Variants in SNTG1 observed in about 807,000 individuals in gnomAD.
SNTG1 encodes the protein syntrophin gamma 1, also known as gamma-1-syntrophin.
Under a neutral mutation model 74.7 loss-of-function variants are expected in SNTG1, and 39 were observed. That is an observed-to-expected ratio of 0.52 (90% CI 0.40 to 0.68). SNTG1 has a LOEUF of 0.68. SNTG1 is among the 30% of genes least tolerant of loss of function. The probability of loss-of-function intolerance (pLI) is 0.00; values close to 1 mark genes in which losing one functional copy is unlikely to be tolerated. For missense variants in SNTG1, 685 were observed against 609.5 expected (o/e 1.12, Z -1.30); for synonymous variants, 254 against 217.1 (o/e 1.17, Z -1.49).
chr8:50,109,608 T>A (rs2080505259), intron 1 of SNTG1, among the ~76,000 whole-genome samples: 1 of 152,156 alleles, frequency 6.6e-6, no homozygotes, highest in African/African-American at 2.4e-5. Context: ...TATAATTCCT[T>A]AAATAACTGA....
At chr8:50,188,747 A>C (rs1180873551) in intron 2 of SNTG1, among the ~76,000 whole-genome samples, 1 of 152,114 alleles carries the variant, frequency 6.6e-6, no homozygotes, top group Non-Finnish European at 1.5e-5. Flanking sequence ...ACAATGGACT[A>C]TCTATTAAGT....
chr8:50,307,519 C>T (rs1390212007), intron 2 of SNTG1, among the ~76,000 whole-genome samples: 2 of 151,910 alleles, frequency 1.3e-5, no homozygotes, highest in Non-Finnish European at 2.9e-5. Context: ...TTATTTTCCT[C>T]TTAGCCTTTA....
At chr8:50,757,184 G>C (rs2095582626) in intron 18 of SNTG1, among the ~76,000 whole-genome samples, 1 of 151,724 alleles carries the variant, frequency 6.6e-6, no homozygotes, top group Non-Finnish European at 1.5e-5. Context: ...TGTCGGATGA[G>C]TTTTCTGGAT....
At chr8:50,507,052 C>T (rs143026248) in intron 9 of SNTG1, among the ~76,000 whole-genome samples, 1 of 151,766 alleles carries the variant, frequency 6.6e-6, no homozygotes, top group African/African-American at 2.4e-5. Context: ...TTGGCAAATG[C>T]TTTTTTCTTC....
Position 50,610,699 on chromosome 8 carries a change from T to A in SNTG1, c.849+19782T>A, listed in dbSNP as rs183372529. Among the ~76,000 whole-genome samples, 8 of 152,308 alleles carry A rather than the reference T, an allele frequency of 5.3e-5. No individual in the cohort carries two copies. The East Asian group carries it at 1.5e-3, about 29-fold the overall frequency. Reference sequence around the variant, plus strand: ...GTTGTTGGGTTTCGTGTCATGTTCATGTGAACAAAGTAAGTAATTTCATCG... The same window carrying A: ...GTTGTTGGGTTTCGTGTCATGTTCAAGTGAACAAAGTAAGTAATTTCATCG... On this transcript the variant is annotated intron_variant, in intron 13 of 18. Transcript: ENST00000642720.
At chr8:50,580,002 A>G (rs1220155960) in intron 12 of SNTG1, among the ~76,000 whole-genome samples, 1 of 152,078 alleles carries the variant, frequency 6.6e-6, no homozygotes, top group Non-Finnish European at 1.5e-5. Flanking sequence ...AGGAACAGAC[A>G]CTCAATGTCA....
At chr8:50,538,990 G>T (rs1012374282) in intron 11 of SNTG1, among the ~76,000 whole-genome samples, 3 of 151,474 alleles carry the variant, frequency 2.0e-5, no homozygotes, top group African/African-American at 7.3e-5. Context: ...ATTTTTTGTC[G>T]ATTTATTTTT....
At chr8:50,377,133 G>C (rs1428436757) in intron 2 of SNTG1, among the ~76,000 whole-genome samples, 1 of 152,102 alleles carries the variant, frequency 6.6e-6, no homozygotes, top group Non-Finnish European at 1.5e-5. Context: ...TTTGAGGAGG[G>C]TGAGAAGGAC....
At chr8:50,716,763 C>T (rs1449870844) in intron 17 of SNTG1, among the ~76,000 whole-genome samples, 2 of 149,406 alleles carry the variant, frequency 1.3e-5, no homozygotes, top group African/African-American at 5.0e-5. Flanking sequence ...AACGGAGTCT[C>T]ACACTGTCGC....
intron 13 of SNTG1, among the ~76,000 whole-genome samples, chr8:50,623,380 T>A (rs116726949): frequency 0.031 from 4,771 of 152,208 alleles, 116 homozygotes; most frequent in African/African-American, 0.055. Context: ...ATTGTCTTTG[T>A]CATAAAAGGG....
At chr8:50,223,808 C>A (rs535431970) in intron 2 of SNTG1, among the ~76,000 whole-genome samples, 2 of 151,880 alleles carry the variant, frequency 1.3e-5, no homozygotes, top group Non-Finnish European at 2.9e-5. Context: ...AGGAACATGA[C>A]AAAAATGTTT....
chr8:50,047,569 C>T (rs758297067), intron 1 of SNTG1, among the ~76,000 whole-genome samples: 3 of 152,102 alleles, frequency 2.0e-5, no homozygotes, highest in Non-Finnish European at 2.9e-5. Context: ...CAGAATGTTT[C>T]ATGGAACAAA....
intron 2 of SNTG1, among the ~76,000 whole-genome samples, chr8:50,324,902 C>T (rs1024083148): frequency 4.1e-5 from 6 of 146,230 alleles, no homozygotes; most frequent in Non-Finnish European, 6.0e-5. Context: ...GGTGTATGAT[C>T]CCTTTTGCAT....
At chr8:50,357,421 T>C (rs955451682) in intron 2 of SNTG1, among the ~76,000 whole-genome samples, 4 of 152,156 alleles carry the variant, frequency 2.6e-5, no homozygotes, top group African/African-American at 9.7e-5. Context: ...GCCACTGAGG[T>C]GATATGAATT....
At chr8:50,055,510 G>A (rs750462292) in intron 1 of SNTG1, among the ~76,000 whole-genome samples, 5 of 152,126 alleles carry the variant, frequency 3.3e-5, no homozygotes, top group East Asian at 1.9e-4. Flanking sequence ...GCTGGAATGC[G>A]TGGGGCAGGG....
At chr8:50,253,310 C>T (rs2086724567) in intron 2 of SNTG1, among the ~76,000 whole-genome samples, 1 of 151,980 alleles carries the variant, frequency 6.6e-6, no homozygotes, top group Non-Finnish European at 1.5e-5. Context: ...GTAATCCCAG[C>T]TACTCAGGAG....
intron 1 of SNTG1, among the ~76,000 whole-genome samples, chr8:50,107,956 G>A (rs977445442): frequency 5.3e-5 from 8 of 152,246 alleles, no homozygotes; most frequent in East Asian, 1.9e-4. Context: ...TTTGGTAAGC[G>A]TTAGTTTCCT....
At chr8:49,977,586 G>C (rs1290391777) in intron 1 of SNTG1, among the ~76,000 whole-genome samples, 1 of 152,164 alleles carries the variant, frequency 6.6e-6, no homozygotes, top group African/African-American at 2.4e-5. Context: ...ACATCCGAGG[G>C]TAAGAGGCTA....
intron 18 of SNTG1, among the ~76,000 whole-genome samples, chr8:50,761,807 G>C (rs2095599747): frequency 6.6e-6 from 1 of 151,840 alleles, no homozygotes; most frequent in South Asian, 2.1e-4. Flanking sequence ...AACTTAGTTT[G>C]ACTTAGATTG....
Sources: gnomAD v4.1 joint callset for allele counts (sites outside exome capture counted in the v4.1 genomes callset) on GRCh38, gnomAD v4.1.1 for gene constraint, MANE v1.5 for transcripts, NCBI Gene and HGNC (gene_info 2026-07-23, HGNC 2026-07-21) for gene names.